DCHS2: variants seen among roughly 807,000 people sequenced by gnomAD.
The protein encoded by DCHS2 is protocadherin-23.
In DCHS2, 142 loss-of-function variants were observed where a neutral mutation model predicts 182.4. The observed-to-expected ratio is 0.78, with a 90% confidence interval of 0.68 to 0.89. DCHS2 has a LOEUF of 0.89. Ranked by LOEUF, DCHS2 falls within the 40% of genes least tolerant of loss-of-function variation. The pLI is 0.00. For synonymous variants in DCHS2, 1,740 were observed against 1,663.3 expected (o/e 1.05, Z -1.12); for missense variants, 4,319 against 4,198.6 (o/e 1.03, Z -0.79).
intron 1 of DCHS2, among the ~76,000 whole-genome samples, chr4:154,477,025 G>A (rs563564539): frequency 2.0e-5 from 3 of 152,196 alleles, no homozygotes; most frequent in Admixed American, 2.0e-4. Context: ...CAATGCAAAG[G>A]GAAGAACTAG....
chr4:154,413,341 G>A (rs1385029393), intron 1 of DCHS2, among the ~76,000 whole-genome samples: 1 of 151,304 alleles, frequency 6.6e-6, no homozygotes, highest in Non-Finnish European at 1.5e-5. Flanking sequence ...TGGTGTAGAT[G>A]AACACCACTT....
intron 10 of DCHS2, 123 bp from the exon 11 acceptor site, chr4:154,305,354 C>A: frequency 8.2e-7 from 1 of 1,220,590 alleles, no homozygotes; most frequent in Non-Finnish European, 1.1e-6. Flanking sequence ...TCTCAAACAG[C>A]CTTTAAATTA....
At chr4:154,245,803 G>T (rs1201873767) in intron 16 of DCHS2, among the ~76,000 whole-genome samples, 1 of 152,196 alleles carries the variant, frequency 6.6e-6, no homozygotes, top group African/African-American at 2.4e-5. Context: ...AGATTGAAGA[G>T]TGTTTGCAGA....
Position 154,426,039 on chromosome 4 carries a change from A to G in DCHS2, c.2053-48595T>C, listed in dbSNP as rs150057184. Among the ~76,000 whole-genome samples the G allele has an allele frequency of 3.2e-3, 487 of 151,942 alleles. 3 individuals are homozygous for G. Among genetic ancestry groups the G allele is most frequent in the African/African-American group, 0.011 (463 of 41,422 alleles). On this transcript the variant is annotated intron_variant, in intron 1 of 19. Coordinates refer to ENST00000357232, the MANE Select transcript of DCHS2 (RefSeq NM_001358235.2). Reference sequence around the variant, plus strand: ...GCCCTATTTTTTGTTTCCTTCCTTGATTGCCCTCTTGGCCTCTGTTTTTTT... The same window carrying G: ...GCCCTATTTTTTGTTTCCTTCCTTGGTTGCCCTCTTGGCCTCTGTTTTTTT...
At chr4:154,412,678 C>T (rs1203472827) in intron 1 of DCHS2, among the ~76,000 whole-genome samples, 1 of 152,192 alleles carries the variant, frequency 6.6e-6, no homozygotes, top group East Asian at 1.9e-4. Context: ...TTTCAGTAAT[C>T]CCTTCTTCTA....
intron 2 of DCHS2, among the ~76,000 whole-genome samples, chr4:154,373,711 GGTTCCCTCCT>G (rs1730749650): frequency 6.6e-6 from 1 of 152,098 alleles, no homozygotes; most frequent in East Asian, 1.9e-4. Context: ...CTTCCAAGAG[GGTTCCCTCCT>G]GCACACAGCT....
At chr4:154,449,366 A>C (rs1389610941) in intron 1 of DCHS2, among the ~76,000 whole-genome samples, 1 of 152,018 alleles carries the variant, frequency 6.6e-6, no homozygotes, top group Middle Eastern at 3.2e-3. Context: ...TGAGTAAATA[A>C]GTTTTTTAAT....
At chr4:154,316,752 C>T (rs12640050) in intron 9 of DCHS2, among the ~76,000 whole-genome samples, 7,704 of 152,106 alleles carry the variant, frequency 0.051, 477 homozygotes, top group Admixed American at 0.17. Flanking sequence ...CCACTGCACT[C>T]TAGCCTGGGC....
intron 1 of DCHS2, among the ~76,000 whole-genome samples, chr4:154,433,340 C>T (rs1264535401): frequency 1.3e-5 from 2 of 148,408 alleles, no homozygotes; most frequent in Admixed American, 6.7e-5. Flanking sequence ...ACATTCATTT[C>T]GGACTTCTCA....
intron 1 of DCHS2, among the ~76,000 whole-genome samples, chr4:154,405,130 A>T (rs942449858): frequency 1.3e-5 from 2 of 152,062 alleles, no homozygotes; most frequent in Non-Finnish European, 2.9e-5. Flanking sequence ...GTCACCTGTA[A>T]TCCCATCTGC....
At chr4:154,377,682 A>T (rs1319166569) in intron 1 of DCHS2, among the ~76,000 whole-genome samples, 2 of 152,030 alleles carry the variant, frequency 1.3e-5, no homozygotes, top group African/African-American at 4.8e-5. Flanking sequence ...ATCTTTTCAG[A>T]TGATCTCTGA....
rs3749471 is a variant in DCHS2, at chr4:154,235,986, A to G, written c.8666T>C (p.Leu2889Pro). 7.4e-6 allele frequency: 12 copies of G among 1,613,900 alleles called. No individual in the cohort carries two copies. In the East Asian group the frequency reaches 2.7e-4, roughly 36 times the overall value. ...IFTQDQYFFT[L>P]PEKNKDRQLI... ...CTGTCTGTCTTTATTCTTTTCTGGG[A>G]GGGTGAAAAAATACTGATCTTGAGT... is the stretch of plus-strand genomic sequence containing the variant. Residue 2889 changes from leucine (L) to proline (P), a missense_variant, in exon 20 of 20, where the codon CTC becomes CCC. Leu to Pro is a moderately conservative substitution (Grantham distance 98). Transcript: ENST00000357232.
intron 8 of DCHS2, 70 bp downstream of exon 8, chr4:154,322,261 C>G: frequency 6.3e-7 from 1 of 1,593,328 alleles, no homozygotes; most frequent in Non-Finnish European, 8.6e-7. Flanking sequence ...TATCTTCACT[C>G]TATAAACTTG....
chr4:154,442,752 T>A lies in DCHS2; in HGVS notation c.2052+46552A>T, dbSNP rs139602082. Among the ~76,000 whole-genome samples the A allele has an allele frequency of 2.3e-3, 353 of 152,184 alleles. 3 individuals carry two copies. Among genetic ancestry groups the A allele is most frequent in the African/African-American group, 8.1e-3 (336 of 41,534 alleles). Reference sequence around the variant, plus strand: ...ATCAGAGACACAAGCTACCTCTCCTTATAATTATCTACTGTATTCCTGAGG... The same window carrying A: ...ATCAGAGACACAAGCTACCTCTCCTAATAATTATCTACTGTATTCCTGAGG... On this transcript the variant is annotated intron_variant, in intron 1 of 19. Coordinates refer to ENST00000357232, the MANE Select transcript of DCHS2 (RefSeq NM_001358235.2).
intron 14 of DCHS2, among the ~76,000 whole-genome samples, chr4:154,263,927 G>A (rs1490763789): frequency 1.3e-5 from 2 of 151,412 alleles, no homozygotes; most frequent in South Asian, 2.1e-4. Context: ...CTTCCAAAAG[G>A]TTTTGGCCAA....
intron 1 of DCHS2, among the ~76,000 whole-genome samples, chr4:154,457,863 T>C (rs1221711527): frequency 1.3e-5 from 2 of 152,202 alleles, no homozygotes; most frequent in South Asian, 2.1e-4. Flanking sequence ...GTGTTGTTGA[T>C]GCTGCTGGTC....
chr4:154,480,635 A>G (rs1176031580), intron 1 of DCHS2, among the ~76,000 whole-genome samples: 2 of 152,238 alleles, frequency 1.3e-5, no homozygotes, highest in Non-Finnish European at 2.9e-5. Flanking sequence ...AATAATTACA[A>G]ATTACTGTAG....
rs752946170 is a variant in DCHS2 at position 154,322,411 on chromosome 4, TATA to T, written c.4093_4095del (p.Tyr1365del). The T allele has an allele frequency of 6.2e-7, 1 of 1,613,824 alleles. No individual in the cohort carries two copies. Among genetic ancestry groups the T allele is most frequent in the Non-Finnish European group, 8.5e-7 (1 of 1,179,838 alleles). ...ATGACACTCATTCTGTAGGAAGGTC[TATA>T]ATCATACGAAAGTATTGTGGTTGTT... On this transcript the variant is annotated inframe_deletion, in exon 8 of 20. Transcript: ENST00000357232.
Position 154,474,066 on chromosome 4 carries a change from C to T in DCHS2, c.2052+15238G>A, listed in dbSNP as rs867256026. The stretch of plus-strand genomic sequence containing the variant: ...CTCTAAGGAACAATCCTGCCTTGCC[C>T]TTTTCAGCTTTTGGTGACTCCTGGC... On this transcript the variant is annotated intron_variant, in intron 1 of 19. Transcript: ENST00000357232. 1.2e-4 allele frequency among the ~76,000 whole-genome samples: 19 copies of T among 152,294 alleles called. No homozygotes were observed. In the Middle Eastern group the frequency reaches 0.014, roughly 109 times the overall value.
Sources: allele counts gnomAD v4.1 joint callset (sites outside exome capture counted in the v4.1 genomes callset), GRCh38; gene constraint gnomAD v4.1.1; transcripts MANE v1.5; gene names NCBI Gene and HGNC (gene_info 2026-07-23, HGNC 2026-07-21).